POU6F2: variants seen among roughly 807,000 people sequenced by gnomAD.
The protein encoded by POU6F2 is POU domain, class 6, transcription factor 2.
In POU6F2, 31 loss-of-function variants were observed where a neutral mutation model predicts 71.3. The ratio of observed to expected loss-of-function variants is 0.43; its 90% CI spans 0.33 to 0.59. The LOEUF is 0.59. Among genes scored for constraint, POU6F2 ranks in the 20% least tolerant of loss-of-function variants. The probability of loss-of-function intolerance (pLI) is 0.04; values close to 1 mark genes in which losing one functional copy is unlikely to be tolerated. For synonymous variants in POU6F2, 347 were observed against 355.7 expected (o/e 0.98, Z 0.27); for missense variants, 783 against 856.8 (o/e 0.91, Z 1.07).
chr7:39,261,217 T>A (rs564919280), intron 4 of POU6F2, among the ~76,000 whole-genome samples: 7 of 152,258 alleles, frequency 4.6e-5, no homozygotes, highest in African/African-American at 1.7e-4. Flanking sequence ...AGGCCACCTC[T>A]CCTGCTCCTG....
chr7:39,413,808 C>CT, intron 6 of POU6F2, among the ~76,000 whole-genome samples: 1 of 152,234 alleles, frequency 6.6e-6, no homozygotes, highest in East Asian at 1.9e-4. Context: ...AACAATAAAC[C>CT]TCAATCTTTC....
chr7:39,083,176 G>A (rs1791162945), intron 1 of POU6F2, among the ~76,000 whole-genome samples: 1 of 152,286 alleles, frequency 6.6e-6, no homozygotes, highest in African/African-American at 2.4e-5. Flanking sequence ...TAAGGCAAGA[G>A]TAGAATATTC....
chr7:39,321,716 C>T (rs1447618018), intron 4 of POU6F2, among the ~76,000 whole-genome samples: 1 of 152,004 alleles, frequency 6.6e-6, no homozygotes, highest in Non-Finnish European at 1.5e-5. Context: ...ATTGTGTGCA[C>T]ATTCCCCAGC....
At chr7:39,378,728 G>T (rs1005356036) in intron 5 of POU6F2, among the ~76,000 whole-genome samples, 6 of 152,154 alleles carry the variant, frequency 3.9e-5, no homozygotes, top group African/African-American at 1.4e-4. Context: ...TTCAAAAAGT[G>T]GCAGAAACTC....
intron 4 of POU6F2, among the ~76,000 whole-genome samples, chr7:39,312,295 G>GTT (rs1785180992): frequency 6.6e-6 from 1 of 152,208 alleles, no homozygotes; most frequent in African/African-American, 2.4e-5. Context: ...TTTTGGTACT[G>GTT]TTAACTGAAC....
chr7:39,324,116 A>G (rs1341967060), intron 4 of POU6F2, among the ~76,000 whole-genome samples: 6 of 152,028 alleles, frequency 3.9e-5, no homozygotes, highest in Non-Finnish European at 7.4e-5. Context: ...TCAAAAAAAA[A>G]AAAAGAAAAA....
intron 7 of POU6F2, among the ~76,000 whole-genome samples, chr7:39,447,261 TG>T (rs1788546657): frequency 7.1e-6 from 1 of 140,076 alleles, no homozygotes; most frequent in Non-Finnish European, 1.6e-5. Context: ...TAGATCATGA[TG>T]ATCTACACTA....
Position 39,433,189 on chromosome 7 carries a change from A to T in POU6F2, c.1226A>T (p.Gln409Leu), listed in dbSNP as rs1467473333. 4.3e-6 allele frequency: 7 copies of T among 1,613,752 alleles called. No individual in the cohort carries two copies. The highest frequency in any genetic ancestry group is 5.9e-6 in the Non-Finnish European group (7 of 1,179,880). ...ACCCCCCAGCTCCTCACAAACGCCCAGGGCCAGATCATCGCCACAGTCATT... is the reference window on the plus strand; with the variant it reads ...ACCCCCCAGCTCCTCACAAACGCCCTGGGCCAGATCATCGCCACAGTCATT... Reference protein sequence around the residue: ...PITPQLLTNAQGQIIATVIGN... With the variant: ...PITPQLLTNALGQIIATVIGN... Residue 409 changes from glutamine to leucine, a missense_variant, in exon 7 of 10, where the codon CAG becomes CTG. Transcript: ENST00000518318.
intron 1 of POU6F2, among the ~76,000 whole-genome samples, chr7:39,078,596 C>T (rs923651263): frequency 3.3e-5 from 5 of 152,124 alleles, no homozygotes; most frequent in African/African-American, 9.7e-5. Context: ...TGTGATTGAA[C>T]GCTAGTATTG....
chr7:39,306,679 A>AT (rs1301411165), intron 4 of POU6F2, among the ~76,000 whole-genome samples: 2 of 152,218 alleles, frequency 1.3e-5, no homozygotes, highest in Admixed American at 6.5e-5. Flanking sequence ...AGCTAAATTC[A>AT]GAAAAAGTGG....
At chr7:39,167,309 GCTCA>G (rs1277493503) in intron 2 of POU6F2, among the ~76,000 whole-genome samples, 2 of 152,090 alleles carry the variant, frequency 1.3e-5, no homozygotes, top group Non-Finnish European at 2.9e-5. Flanking sequence ...CTATAGCAGT[GCTCA>G]CTGTTTAACA....
chr7:39,024,715 A>G (rs1225808967), intron 1 of POU6F2, among the ~76,000 whole-genome samples: 3 of 152,112 alleles, frequency 2.0e-5, no homozygotes, highest in African/African-American at 7.2e-5. Context: ...TTTAGCACCA[A>G]TGATGTTGAA....
intron 1 of POU6F2, among the ~76,000 whole-genome samples, chr7:39,064,307 T>C (rs546332989): frequency 1.5e-4 from 23 of 152,062 alleles, no homozygotes; most frequent in Admixed American, 1.5e-3. Context: ...ACACATTTCA[T>C]TGAGAAAGGG....
At chr7:39,218,547 C>T (rs1794287184) in intron 4 of POU6F2, among the ~76,000 whole-genome samples, 1 of 152,116 alleles carries the variant, frequency 6.6e-6, no homozygotes, top group South Asian at 2.1e-4. Flanking sequence ...AACTTCATTT[C>T]CTCCTATGAA....
intron 4 of POU6F2, among the ~76,000 whole-genome samples, chr7:39,287,931 A>T (rs1197001115): frequency 6.6e-6 from 1 of 152,144 alleles, no homozygotes; most frequent in Non-Finnish European, 1.5e-5. Context: ...GCTTTCTGGC[A>T]TCTGTGTATA....
chr7:39,134,241 GA>G (rs1275052670), intron 2 of POU6F2, among the ~76,000 whole-genome samples: 1 of 152,034 alleles, frequency 6.6e-6, no homozygotes, highest in Non-Finnish European at 1.5e-5. Context: ...CTTTATTGCC[GA>G]ATGATGAATA....
intron 4 of POU6F2, among the ~76,000 whole-genome samples, chr7:39,213,141 C>T (rs1368737787): frequency 6.6e-6 from 1 of 152,164 alleles, no homozygotes; most frequent in Non-Finnish European, 1.5e-5. Flanking sequence ...TTAAGTCAAG[C>T]ATAACATTTA....
At chr7:39,180,190 G>A (rs1054085649) in intron 2 of POU6F2, among the ~76,000 whole-genome samples, 4 of 152,210 alleles carry the variant, frequency 2.6e-5, no homozygotes, top group East Asian at 1.9e-4. Context: ...AAGCAAATAC[G>A]CCCAGGTGTG....
intron 4 of POU6F2, among the ~76,000 whole-genome samples, chr7:39,247,327 T>C (rs1174437073): frequency 6.6e-6 from 1 of 151,972 alleles, no homozygotes; most frequent in African/African-American, 2.4e-5. Flanking sequence ...AAATTACGTC[T>C]GTGATCCTAG....
Sources: allele counts gnomAD v4.1 joint callset (sites outside exome capture counted in the v4.1 genomes callset), GRCh38; gene constraint gnomAD v4.1.1; transcripts MANE v1.5; gene names NCBI Gene and HGNC (gene_info 2026-07-23, HGNC 2026-07-21).